NLGN1: variants seen among roughly 807,000 people sequenced by gnomAD.
NLGN1 encodes neuroligin-1.
In NLGN1, 12 loss-of-function variants were observed where a neutral mutation model predicts 65.5. That is an observed-to-expected ratio of 0.18 (90% CI 0.12 to 0.30). The LOEUF (loss-of-function observed/expected upper bound fraction) is 0.30, where lower values mean the gene tolerates loss of function less well. Among genes scored for constraint, NLGN1 ranks in the 10% least tolerant of loss-of-function variants. The pLI is 1.00. For synonymous variants in NLGN1, 350 were observed against 359.5 expected (o/e 0.97, Z 0.30); for missense variants, 750 against 1,007.1 (o/e 0.74, Z 3.46).
chr3:173,416,996 G>A (rs1184643670), intron 1 of NLGN1, among the ~76,000 whole-genome samples: 1 of 151,980 alleles, frequency 6.6e-6, no homozygotes, highest in East Asian at 1.9e-4. Flanking sequence ...GTTCAATAAT[G>A]GAAATATGTG....
At chr3:173,645,618 T>C (rs1178950206) in intron 3 of NLGN1, among the ~76,000 whole-genome samples, 1 of 152,104 alleles carries the variant, frequency 6.6e-6, no homozygotes, top group Non-Finnish European at 1.5e-5. Flanking sequence ...TAGAGGAAAA[T>C]TAGTTCCATG....
intron 2 of NLGN1, among the ~76,000 whole-genome samples, chr3:173,500,035 C>G (rs372334839): frequency 6.6e-6 from 1 of 152,080 alleles, no homozygotes; most frequent in South Asian, 2.1e-4. Context: ...TAATTGAATA[C>G]CCTTTATTTC....
chr3:173,880,661 TTCTTGCCTAAACTAAGGC>T (rs1733047241), intron 4 of NLGN1, among the ~76,000 whole-genome samples: 1 of 152,142 alleles, frequency 6.6e-6, no homozygotes, highest in Admixed American at 6.5e-5. Context: ...AACTTTTTTG[TTCTTGCCTAAACTAAGGC>T]TCTTGCCTCA....
intron 1 of NLGN1, among the ~76,000 whole-genome samples, chr3:173,412,266 T>A (rs1305029241): frequency 1.3e-5 from 2 of 151,888 alleles, no homozygotes; most frequent in Non-Finnish European, 2.9e-5. Flanking sequence ...AGACTAAAAC[T>A]TTTCAGATGC....
At chr3:173,402,136 A>G (rs1001117183) in intron 1 of NLGN1, among the ~76,000 whole-genome samples, 1 of 152,176 alleles carries the variant, frequency 6.6e-6, no homozygotes, top group Non-Finnish European at 1.5e-5. Flanking sequence ...AAGATAACAC[A>G]TGCTAGTGAA....
chr3:173,698,965 T>G (rs896801976), intron 3 of NLGN1, among the ~76,000 whole-genome samples: 5 of 152,102 alleles, frequency 3.3e-5, no homozygotes, highest in African/African-American at 1.2e-4. Flanking sequence ...CAAGCGATTC[T>G]CCTGCCTCAG....
At chr3:173,577,975 G>A (rs1376182169) in intron 2 of NLGN1, among the ~76,000 whole-genome samples, 1 of 152,138 alleles carries the variant, frequency 6.6e-6, no homozygotes, top group East Asian at 1.9e-4. Context: ...GGTCGCTCAC[G>A]CCTGTAATCC....
At chr3:173,698,617 T>A (rs528517266) in intron 3 of NLGN1, among the ~76,000 whole-genome samples, 1 of 152,164 alleles carries the variant, frequency 6.6e-6, no homozygotes, top group Non-Finnish European at 1.5e-5. Flanking sequence ...TACAAAAAAA[T>A]TGGTTTTCAA....
At chr3:173,472,722 C>T (rs888466208) in intron 2 of NLGN1, among the ~76,000 whole-genome samples, 9 of 152,020 alleles carry the variant, frequency 5.9e-5, no homozygotes, top group Non-Finnish European at 8.8e-5. Flanking sequence ...ACATAAAAAA[C>T]GTCATGAGGA....
intron 4 of NLGN1, among the ~76,000 whole-genome samples, chr3:174,232,626 T>C (rs1289893810): frequency 6.6e-6 from 1 of 152,086 alleles, no homozygotes; most frequent in Non-Finnish European, 1.5e-5. Flanking sequence ...TAATGTAGGC[T>C]CATAATGTGG....
At position 174,110,044 on chromosome 3, in the gene NLGN1, A is replaced by C. The variant is rs150062568; in HGVS notation, c.647-165271A>C. Among the ~76,000 whole-genome samples, 26 of 151,858 alleles carry C rather than the reference A, an allele frequency of 1.7e-4. 1 individual carries two copies. The highest frequency in any genetic ancestry group is 6.0e-4 in the African/African-American group (25 of 41,428). ...TTCCACACTTTTTTTCTTTATTTTCATTATTTTTTGTTTGTTGTTTTTAGA... is the reference window on the plus strand; with the variant it reads ...TTCCACACTTTTTTTCTTTATTTTCCTTATTTTTTGTTTGTTGTTTTTAGA... On this transcript the variant is annotated intron_variant, in intron 4 of 6. Coordinates refer to ENST00000457714, the Ensembl canonical transcript of NLGN1.
intron 4 of NLGN1, among the ~76,000 whole-genome samples, chr3:173,888,427 A>T (rs1222059759): frequency 1.3e-5 from 2 of 152,032 alleles, no homozygotes; most frequent in Admixed American, 1.3e-4. Context: ...AATTTTAAAA[A>T]TATTTTTATT....
intron 2 of NLGN1, among the ~76,000 whole-genome samples, chr3:173,463,964 A>G (rs1723836422): frequency 6.6e-6 from 1 of 151,988 alleles, no homozygotes; most frequent in African/African-American, 2.4e-5. Flanking sequence ...ATTCAAGCAT[A>G]TTATGGTAAA....
At position 173,862,566 on chromosome 3, in the gene NLGN1, T is replaced by C. The variant is rs919817824; in HGVS notation, c.646+54734T>C. ...ACATAATACATATAATTATGTATATTATAGATTCCAAATATGTAAAAATAG... is the reference window on the plus strand; with the variant it reads ...ACATAATACATATAATTATGTATATCATAGATTCCAAATATGTAAAAATAG... On this transcript the variant is annotated intron_variant, in intron 4 of 6. Transcript: ENST00000457714. Among the ~76,000 whole-genome samples, 6 of 150,560 alleles carry C rather than the reference T, an allele frequency of 4.0e-5. No individual in the cohort carries two copies. In the East Asian group the frequency reaches 1.2e-3, roughly 29 times the overall value.
At chr3:173,899,874 C>T (rs749852400) in intron 4 of NLGN1, among the ~76,000 whole-genome samples, 2 of 152,012 alleles carry the variant, frequency 1.3e-5, no homozygotes, top group Admixed American at 6.6e-5. Flanking sequence ...GAATCAAATT[C>T]GAGATCAACA....
intron 4 of NLGN1, among the ~76,000 whole-genome samples, chr3:173,809,020 C>G (rs1409361117): frequency 6.6e-6 from 1 of 152,072 alleles, no homozygotes; most frequent in Non-Finnish European, 1.5e-5. Context: ...AGACATTTTA[C>G]CAATGTGAAG....
chr3:173,792,188 T>C (rs2150368720), intron 3 of NLGN1, among the ~76,000 whole-genome samples: 1 of 152,266 alleles, frequency 6.6e-6, no homozygotes, highest in South Asian at 2.1e-4. Context: ...CCAGAAACTG[T>C]TAAGAAGTCA....
At chr3:174,107,301 C>T (rs1488737305) in intron 4 of NLGN1, among the ~76,000 whole-genome samples, 2 of 152,102 alleles carry the variant, frequency 1.3e-5, no homozygotes, top group Non-Finnish European at 2.9e-5. Flanking sequence ...CTAAACGTTA[C>T]CTATGACAAC....
At chr3:173,533,975 C>G (rs1017873934) in intron 2 of NLGN1, among the ~76,000 whole-genome samples, 5 of 152,094 alleles carry the variant, frequency 3.3e-5, no homozygotes, top group African/African-American at 9.7e-5. Context: ...CAATGAGACT[C>G]TGACTCAAAA....
Sources: gnomAD v4.1 joint callset for allele counts (sites outside exome capture counted in the v4.1 genomes callset) on GRCh38, gnomAD v4.1.1 for gene constraint, MANE v1.5 for transcripts, NCBI Gene and HGNC (gene_info 2026-07-23, HGNC 2026-07-21) for gene names.